SLC71A1: variants seen among roughly 807,000 people sequenced by gnomAD.
SLC71A1 encodes hippocampus abundant gene transcript 1.
At chr1:100,068,619 T>C in the SLC71A1 span, 1 of 1,174,702 alleles carries the variant, frequency 8.5e-7, no homozygotes, top group Non-Finnish European at 1.3e-6. Context: ...TGGACTTTTC[T>C]TTCATTGTCT....
chr1:100,074,105 G>A, the SLC71A1 span, among the ~76,000 whole-genome samples: 5 of 152,108 alleles, frequency 3.3e-5, no homozygotes, highest in African/African-American at 1.2e-4. Flanking sequence ...TGTAAGTATC[G>A]GTGTCTTTTA....
the SLC71A1 span, among the ~76,000 whole-genome samples, chr1:100,058,287 T>C: frequency 6.6e-6 from 1 of 152,208 alleles, no homozygotes; most frequent in Non-Finnish European, 1.5e-5. Flanking sequence ...AGTCAGTTAT[T>C]TTGGGGAAGC....
the SLC71A1 span, among the ~76,000 whole-genome samples, chr1:100,063,798 A>G: frequency 6.6e-6 from 1 of 152,196 alleles, no homozygotes; most frequent in African/African-American, 2.4e-5. Context: ...CTGTCTCCAA[A>G]AAAGGGGGTT....
the SLC71A1 span, chr1:100,058,835 G>T: frequency 1.8e-6 from 1 of 569,976 alleles, no homozygotes; most frequent in South Asian, 2.7e-5. Flanking sequence ...ATATATGTTT[G>T]TTTACTGATT....
the SLC71A1 span, among the ~76,000 whole-genome samples, chr1:100,064,854 G>T: frequency 5.3e-5 from 8 of 151,332 alleles, no homozygotes; most frequent in Admixed American, 5.3e-4. Flanking sequence ...CTCCAAAGCA[G>T]TTGGGACCAC....
At chr1:100,045,475 C>T in the SLC71A1 span, among the ~76,000 whole-genome samples, 1 of 152,096 alleles carries the variant, frequency 6.6e-6, no homozygotes, top group Non-Finnish European at 1.5e-5. Flanking sequence ...TTCCAATTTG[C>T]ATGCTCGTTA....
chr1:100,038,727 G>A, the SLC71A1 span, among the ~76,000 whole-genome samples: 17 of 152,224 alleles, frequency 1.1e-4, no homozygotes, highest in African/African-American at 4.1e-4. Flanking sequence ...TTGTCAAGGG[G>A]CTGGGAACCA....
At chr1:100,079,433 A>T in the SLC71A1 span, 1 of 151,952 alleles carries the variant, frequency 6.6e-6, no homozygotes, top group South Asian at 2.1e-4. Flanking sequence ...TGAAAAGGAT[A>T]TGTTTTGTCT....
At chr1:100,048,032 C>T in the SLC71A1 span, among the ~76,000 whole-genome samples, 1 of 151,962 alleles carries the variant, frequency 6.6e-6, no homozygotes, top group Non-Finnish European at 1.5e-5. Flanking sequence ...GTTGAAATTA[C>T]CCTACCTATA....
chr1:100,071,671 T>C, the SLC71A1 span, among the ~76,000 whole-genome samples: 1 of 152,166 alleles, frequency 6.6e-6, no homozygotes, highest in African/African-American at 2.4e-5. Flanking sequence ...ACATAAAAGA[T>C]TGATAGCTAT....
At chr1:100,070,327 CTG>C in the SLC71A1 span, among the ~76,000 whole-genome samples, 1 of 152,154 alleles carries the variant, frequency 6.6e-6, no homozygotes, top group Admixed American at 6.5e-5. Flanking sequence ...TCAGGAGAGA[CTG>C]TAGCTGGCTT....
chr1:100,041,525 G>C, the SLC71A1 span, among the ~76,000 whole-genome samples: 2 of 152,276 alleles, frequency 1.3e-5, no homozygotes, highest in East Asian at 3.9e-4. Flanking sequence ...TAAAGAATAA[G>C]TTCCACATAT....
the SLC71A1 span, among the ~76,000 whole-genome samples, chr1:100,075,768 TC>T: frequency 2.0e-5 from 3 of 152,134 alleles, no homozygotes; most frequent in African/African-American, 7.2e-5. Context: ...AGCCTCGACC[TC>T]CTGGGCTCGA....
At chr1:100,081,853 C>T in the SLC71A1 span, 3 of 650,744 alleles carry the variant, frequency 4.6e-6, no homozygotes, top group Non-Finnish European at 7.9e-6. Flanking sequence ...CTCTTTTCTC[C>T]TAAAAAGGGA....
chr1:100,063,378 C>T, the SLC71A1 span, among the ~76,000 whole-genome samples: 4 of 152,120 alleles, frequency 2.6e-5, no homozygotes, highest in Non-Finnish European at 5.9e-5. Flanking sequence ...GTGGCATGTG[C>T]CTGTAATACC....
the SLC71A1 span, among the ~76,000 whole-genome samples, chr1:100,055,878 A>G: frequency 6.6e-6 from 1 of 152,014 alleles, no homozygotes; most frequent in African/African-American, 2.4e-5. Flanking sequence ...TCAGCCTCCC[A>G]AGTAGCTGGG....
At chr1:100,072,233 T>C in the SLC71A1 span, among the ~76,000 whole-genome samples, 1 of 152,334 alleles carries the variant, frequency 6.6e-6, no homozygotes, top group East Asian at 1.9e-4. Flanking sequence ...AGTGTATTTC[T>C]CCCTCCTCTC....
the SLC71A1 span, among the ~76,000 whole-genome samples, chr1:100,046,506 G>T: frequency 1.2e-3 from 180 of 152,224 alleles, 4 homozygotes; most frequent in Non-Finnish European, 2.4e-4. Flanking sequence ...GATTACAGGC[G>T]TGAGTCACTG....
chr1:100,060,099 T>G, the SLC71A1 span: 1 of 1,212,392 alleles, frequency 8.2e-7, no homozygotes, highest in South Asian at 1.7e-5. Context: ...CCATCTTGGT[T>G]ATGAGGTTTT....
Sources: allele counts gnomAD v4.1 joint callset (sites outside exome capture counted in the v4.1 genomes callset), GRCh38; gene constraint gnomAD v4.1.1; transcripts MANE v1.5; gene names NCBI Gene and HGNC (gene_info 2026-07-23, HGNC 2026-07-21).